RPL26L1: variants seen among roughly 807,000 people sequenced by gnomAD.
The protein encoded by RPL26L1 is ribosomal protein uL24-like.
RPL26L1 carries 8 observed loss-of-function variants against 15.2 expected under a neutral mutation model. The ratio of observed to expected loss-of-function variants is 0.53; its 90% CI spans 0.31 to 0.95. The LOEUF (loss-of-function observed/expected upper bound fraction) is 0.95. Among genes scored for constraint, RPL26L1 ranks in the 40% least tolerant of loss-of-function variants. The pLI is 0.05. For synonymous variants in RPL26L1, 51 were observed against 65.9 expected (o/e 0.77, Z 1.09); for missense variants, 146 against 190.9 (o/e 0.76, Z 1.39).
At chr5:172,964,864 T>G (rs1276261134) in intron 2 of RPL26L1, among the ~76,000 whole-genome samples, 1 of 152,176 alleles carries the variant, frequency 6.6e-6, no homozygotes, top group African/African-American at 2.4e-5. Flanking sequence ...ACCCCTCTTA[T>G]TTTCTTTCCC....
rs1239664999 is a variant in RPL26L1 at position 172,968,573 on chromosome 5, G to C, written c.283G>C (p.Val95Leu). ...VQREKANGTT[V>L]HVGIHPSKVV... ...GCGTGAGAAGGCCAACGGCACAACT[G>C]TCCACGTGGGCATTCACCCAAGCAA... The change falls in exon 3 of 4, where the codon GTC becomes CTC. Residue 95 changes from valine to leucine, a missense_variant. By Grantham distance (32) the Val-to-Leu change is conservative. Coordinates refer to ENST00000265100, the MANE Select transcript of RPL26L1 (RefSeq NM_016093.4). 1.2e-6 allele frequency: 2 copies of C among 1,613,924 alleles called. No individual in the cohort carries two copies. Among genetic ancestry groups the C allele is most frequent in the Non-Finnish European group, 1.7e-6 (2 of 1,179,988 alleles).
chr5:172,967,888 GTA>G (rs1303340119), intron 2 of RPL26L1, among the ~76,000 whole-genome samples: 2 of 151,212 alleles, frequency 1.3e-5, no homozygotes, highest in Admixed American at 6.6e-5. Context: ...ATACGTGTAT[GTA>G]TATATGACAT....
Position 172,959,916 on chromosome 5 carries a change from C to T in RPL26L1, c.43C>T (p.Arg15Cys), listed in dbSNP as rs909033503. 4.3e-6 allele frequency: 7 copies of T among 1,614,164 alleles called. No individual in the cohort carries two copies. Among genetic ancestry groups the T allele is most frequent in the Non-Finnish European group, 5.9e-6 (7 of 1,180,030 alleles). The part of the protein sequence containing the change: ...PFVTSDRSKN[R>C]KRHFNAPSHV... The stretch of plus-strand genomic sequence containing the variant: ...CGTTACCTCGGACCGCAGTAAAAAC[C>T]GCAAACGTCACTTCAATGCCCCCTC... The change falls in exon 2 of 4, where the codon CGC becomes TGC. Residue 15 changes from arginine (R) to cysteine (C), a missense_variant. Physicochemically the swap from Arg to Cys is radical, Grantham distance 180. Coordinates refer to ENST00000265100, the MANE Select transcript of RPL26L1 (RefSeq NM_016093.4).
chr5:172,968,504 C>T lies in RPL26L1; in HGVS notation c.214C>T (p.Gln72Ter), dbSNP rs1423798389. The T allele has an allele frequency of 2.5e-6, 4 of 1,614,058 alleles. No homozygotes were observed. The Admixed American group carries it at 6.7e-5, about 27-fold the overall frequency. The change falls in exon 3 of 4, where the codon CAG becomes TAG. Residue 72 changes from glutamine (Q) to a stop codon, truncating the protein, a stop_gained. Transcript: ENST00000265100. LOFTEE classifies it high-confidence loss of function. ...YKGQQIGKVV[Q>*]VYRKKYVIYI... is the part of the protein sequence containing the mutation. ...AGGTCAGCAAATTGGCAAGGTAGTCCAGGTGTACAGAAAGAAATATGTCAT... is the reference window on the plus strand; with the variant it reads ...AGGTCAGCAAATTGGCAAGGTAGTCTAGGTGTACAGAAAGAAATATGTCAT...
chr5:172,957,024 C>G, upstream of RPL26L1: 1 of 361,944 alleles, frequency 2.8e-6, no homozygotes, highest in Non-Finnish European at 5.4e-6. Context: ...ACTGAGTGAC[C>G]AAGAGGCTGA....
chr5:172,964,281 C>CCTTTTTT (rs1402885653), intron 2 of RPL26L1, among the ~76,000 whole-genome samples: 13,838 of 98,786 alleles, frequency 0.14, 3,152 homozygotes, highest in Non-Finnish European at 0.19. Flanking sequence ...GGCCTGTTGC[C>CCTTTTTT]TTTTTTTTTT....
intron 2 of RPL26L1, among the ~76,000 whole-genome samples, chr5:172,962,386 T>C (rs755265249): frequency 1.3e-4 from 20 of 152,120 alleles, no homozygotes; most frequent in Non-Finnish European, 2.6e-4. Context: ...TGCACACCTG[T>C]AATCCCAGCT....
At chr5:172,966,950 G>A (rs1238680108) in intron 2 of RPL26L1, among the ~76,000 whole-genome samples, 2 of 151,564 alleles carry the variant, frequency 1.3e-5, no homozygotes, top group Non-Finnish European at 2.9e-5. Flanking sequence ...CCGCCTTCCA[G>A]GTTCAAGTGA....
intron 3 of RPL26L1, among the ~76,000 whole-genome samples, chr5:172,968,983 T>G (rs549907380): frequency 2.6e-5 from 4 of 151,786 alleles, no homozygotes; most frequent in Non-Finnish European, 5.9e-5. Flanking sequence ...AATTTTTATA[T>G]TTTTAATAGA....
chr5:172,963,841 C>A (rs1305482627), intron 2 of RPL26L1, among the ~76,000 whole-genome samples: 1 of 152,164 alleles, frequency 6.6e-6, no homozygotes, highest in Non-Finnish European at 1.5e-5. Flanking sequence ...TTTTAATCAT[C>A]CCAGTAAGTT....
chr5:172,956,984 T>C, upstream of RPL26L1: 3 of 344,098 alleles, frequency 8.7e-6, no homozygotes, highest in South Asian at 6.6e-5. Context: ...GTAAGTACTA[T>C]CATTATTCCC....
chr5:172,954,149 C>T (rs1764300480), upstream of RPL26L1, among the ~76,000 whole-genome samples: 1 of 152,130 alleles, frequency 6.6e-6, no homozygotes, highest in Non-Finnish European at 1.5e-5. Flanking sequence ...ATTAGTTAAA[C>T]CAATGAGCTA....
intron 1 of RPL26L1, 127 bp from the exon 2 acceptor site, chr5:172,959,738 G>A: frequency 2.5e-6 from 3 of 1,205,204 alleles, no homozygotes; most frequent in Non-Finnish European, 3.6e-6. Context: ...TCCTCCCTCA[G>A]TTGCCTTTTC....
upstream of RPL26L1, among the ~76,000 whole-genome samples, chr5:172,956,851 TCACTTGAAC>T (rs1371472029): frequency 1.3e-5 from 2 of 151,292 alleles, no homozygotes. Flanking sequence ...GGCAGGAGAA[TCACTTGAAC>T]CCGGGAGGTG....
At chr5:172,958,642 G>T, upstream of RPL26L1, 1 of 294,316 alleles carries the variant, frequency 3.4e-6, no homozygotes, top group South Asian at 2.7e-5. Context: ...GAGACCCGGG[G>T]ACCTTTTACA....
chr5:172,955,107 T>A (rs934667946), upstream of RPL26L1: 43 of 421,640 alleles, frequency 1.0e-4, no homozygotes, highest in Non-Finnish European at 1.3e-4. Flanking sequence ...GCACTAGAGT[T>A]CATAAATAGT....
At chr5:172,965,489 A>T (rs1219707562) in intron 2 of RPL26L1, among the ~76,000 whole-genome samples, 3 of 151,840 alleles carry the variant, frequency 2.0e-5, no homozygotes, top group Admixed American at 2.0e-4. Context: ...TCACCTTCTC[A>T]CCTGGTACAC....
At chr5:172,968,629 G>T in intron 3 of RPL26L1, 30 bp downstream of exon 3, 1 of 1,613,416 alleles carries the variant, frequency 6.2e-7, no homozygotes, top group Non-Finnish European at 8.5e-7. Flanking sequence ...GGCAGTAGCA[G>T]CCATGGAGTG....
intron 2 of RPL26L1, among the ~76,000 whole-genome samples, chr5:172,966,313 ATTTTTTTTTT>A (rs386405707): frequency 5.8e-4 from 37 of 63,666 alleles, no homozygotes; most frequent in African/African-American, 1.6e-3. Flanking sequence ...CTGGCTAACT[ATTTTTTTTTT>A]TTTTTTTTTT....
Sources: allele counts gnomAD v4.1 joint callset (sites outside exome capture counted in the v4.1 genomes callset), GRCh38; gene constraint gnomAD v4.1.1; transcripts MANE v1.5; gene names NCBI Gene and HGNC (gene_info 2026-07-23, HGNC 2026-07-21).